Variants in SPMIP7 observed in about 807,000 individuals in gnomAD.
The protein encoded by SPMIP7 is sperm microtubule inner protein 7.
At chr7:50,109,231 TG>T in the SPMIP7 span, among the ~76,000 whole-genome samples, 1 of 152,178 alleles carries the variant, frequency 6.6e-6, no homozygotes, top group African/African-American at 2.4e-5. Flanking sequence ...AGTTTTATGT[TG>T]AAAATATTTA....
At chr7:50,096,545 A>T in the SPMIP7 span, 1 of 1,551,958 alleles carries the variant, frequency 6.4e-7, no homozygotes. Flanking sequence ...AACAACAATA[A>T]AAAGGCAAAA....
the SPMIP7 span, among the ~76,000 whole-genome samples, chr7:50,104,944 C>T: frequency 2.7e-4 from 41 of 152,260 alleles, no homozygotes; most frequent in African/African-American, 9.9e-4. Context: ...TCTCTGAATC[C>T]CTGCTCCTTA....
the SPMIP7 span, among the ~76,000 whole-genome samples, chr7:50,131,807 G>A: frequency 4.6e-5 from 7 of 152,130 alleles, no homozygotes; most frequent in Non-Finnish European, 1.0e-4. Flanking sequence ...GAATTCAGCA[G>A]AGTGATAGAG....
chr7:50,140,166 A>G, the SPMIP7 span: 3 of 1,506,874 alleles, frequency 2.0e-6, no homozygotes, highest in Admixed American at 2.5e-5. Flanking sequence ...AGAAGTAAAT[A>G]TATTCCTCTC....
chr7:50,115,084 A>G, the SPMIP7 span, among the ~76,000 whole-genome samples: 1 of 151,996 alleles, frequency 6.6e-6, no homozygotes, highest in African/African-American at 2.4e-5. Flanking sequence ...CAAGAAAACC[A>G]TGTGAAATAT....
At chr7:50,143,691 C>T in the SPMIP7 span, among the ~76,000 whole-genome samples, 1 of 152,094 alleles carries the variant, frequency 6.6e-6, no homozygotes, top group African/African-American at 2.4e-5. Flanking sequence ...TATTGTAGAA[C>T]TGAATCTGAT....
chr7:50,113,777 G>T, the SPMIP7 span, among the ~76,000 whole-genome samples: 2 of 152,018 alleles, frequency 1.3e-5, no homozygotes, highest in East Asian at 3.9e-4. Flanking sequence ...GACACAAATT[G>T]TTCCTAACTG....
At chr7:50,147,804 C>A in the SPMIP7 span, among the ~76,000 whole-genome samples, 1 of 152,080 alleles carries the variant, frequency 6.6e-6, no homozygotes, top group Non-Finnish European at 1.5e-5. Context: ...AATTAGTGAA[C>A]AAAATCCTGG....
the SPMIP7 span, among the ~76,000 whole-genome samples, chr7:50,127,022 G>A: frequency 1.6e-4 from 25 of 152,112 alleles, no homozygotes; most frequent in Non-Finnish European, 2.6e-4. Context: ...CAAAACTATA[G>A]TAATCAAACC....
chr7:50,129,618 T>C, the SPMIP7 span: 2 of 824,064 alleles, frequency 2.4e-6, no homozygotes, highest in East Asian at 2.7e-5. Flanking sequence ...AGAAGAAATA[T>C]GAAGAAAAAG....
chr7:50,121,826 G>T, the SPMIP7 span, among the ~76,000 whole-genome samples: 1 of 111,128 alleles, frequency 9.0e-6, no homozygotes, highest in African/African-American at 3.6e-5. Context: ...GCTAATTTTT[G>T]TTTTTTTTCT....
At chr7:50,144,386 G>T in the SPMIP7 span, among the ~76,000 whole-genome samples, 1 of 152,164 alleles carries the variant, frequency 6.6e-6, no homozygotes, top group East Asian at 1.9e-4. Context: ...GTGTGTGCAT[G>T]GATAGGTGGA....
At chr7:50,129,405 AT>A in the SPMIP7 span, among the ~76,000 whole-genome samples, 5 of 152,050 alleles carry the variant, frequency 3.3e-5, no homozygotes, top group South Asian at 1.0e-3. Context: ...ACGTTCTAAA[AT>A]TTTTTTAATT....
the SPMIP7 span, among the ~76,000 whole-genome samples, chr7:50,126,417 T>G: frequency 6.6e-6 from 1 of 151,880 alleles, no homozygotes; most frequent in East Asian, 1.9e-4. Context: ...CAGTGAAAAC[T>G]TCAGGCCTAG....
At chr7:50,119,666 A>G in the SPMIP7 span, among the ~76,000 whole-genome samples, 1 of 152,186 alleles carries the variant, frequency 6.6e-6, no homozygotes, top group African/African-American at 2.4e-5. Flanking sequence ...TTGCTTTCCT[A>G]TGCTTATTGA....
At chr7:50,138,561 T>C in the SPMIP7 span, among the ~76,000 whole-genome samples, 2 of 152,202 alleles carry the variant, frequency 1.3e-5, no homozygotes, top group African/African-American at 4.8e-5. Flanking sequence ...AGTGGAATGG[T>C]TAACCTTATA....
At chr7:50,135,010 C>T in the SPMIP7 span, among the ~76,000 whole-genome samples, 1 of 152,190 alleles carries the variant, frequency 6.6e-6, no homozygotes, top group Non-Finnish European at 1.5e-5. Flanking sequence ...ATTGCCCAAA[C>T]ATCACCCCAC....
At chr7:50,123,334 G>A in the SPMIP7 span, among the ~76,000 whole-genome samples, 205 of 135,906 alleles carry the variant, frequency 1.5e-3, 2 homozygotes, top group African/African-American at 5.3e-3. Context: ...ACCAAACACC[G>A]CATATTCTCA....
chr7:50,145,002 C>T, the SPMIP7 span, among the ~76,000 whole-genome samples: 1 of 151,846 alleles, frequency 6.6e-6, no homozygotes, highest in Non-Finnish European at 1.5e-5. Context: ...TGGCTCACAC[C>T]TGTAGTCCTA....
Sources: gnomAD v4.1 joint callset for allele counts (sites outside exome capture counted in the v4.1 genomes callset) on GRCh38, gnomAD v4.1.1 for gene constraint, MANE v1.5 for transcripts, NCBI Gene and HGNC (gene_info 2026-07-23, HGNC 2026-07-21) for gene names.